Variants in KAZN observed in about 807,000 individuals in gnomAD.
The protein encoded by KAZN is kazrin, periplakin interacting protein.
KAZN carries 40 observed loss-of-function variants against 87.4 expected under a neutral mutation model. The ratio of observed to expected loss-of-function variants is 0.46; its 90% CI spans 0.36 to 0.60. The LOEUF is 0.60. Among genes scored for constraint, KAZN ranks in the 20% least tolerant of loss-of-function variants. The pLI is 0.00. For synonymous variants in KAZN, 466 were observed against 458.3 expected (o/e 1.02, Z -0.22); for missense variants, 898 against 1,073.9 (o/e 0.84, Z 2.29).
intron 2 of KAZN, among the ~76,000 whole-genome samples, chr1:14,477,454 C>G (rs1440528932): frequency 7.2e-6 from 1 of 139,530 alleles, no homozygotes; most frequent in African/African-American, 3.1e-5. Flanking sequence ...CCCCCTCTCT[C>G]TCTCTCTCTT....
chr1:14,002,301 C>G (rs1209573975), intron 1 of KAZN, among the ~76,000 whole-genome samples: 1 of 152,166 alleles, frequency 6.6e-6, no homozygotes, highest in East Asian at 1.9e-4. Context: ...ACACAAATCT[C>G]AACTTGAGTT....
chr1:14,895,090 T>C (rs901502621), intron 1 of KAZN, among the ~76,000 whole-genome samples: 8 of 152,260 alleles, frequency 5.3e-5, no homozygotes, highest in Admixed American at 5.2e-4. Flanking sequence ...GAGTAGGAAG[T>C]GCCTATAACT....
chr1:15,063,494 C>A, intron 6 of KAZN, 78 bp from the exon 7 acceptor site: 1 of 1,269,032 alleles, frequency 7.9e-7, no homozygotes, highest in Non-Finnish European at 1.2e-6. Context: ...CGGAAGGCCC[C>A]ACACCGCACG....
At chr1:15,057,551 G>A (rs866723048) in intron 5 of KAZN, among the ~76,000 whole-genome samples, 3 of 152,234 alleles carry the variant, frequency 2.0e-5, no homozygotes, top group Admixed American at 2.0e-4. Flanking sequence ...TTCCCATTGA[G>A]TGGGATAGCA....
chr1:14,856,011 A>G lies in KAZN; in HGVS notation c.227-104673A>G, dbSNP rs2100998845. Among the ~76,000 whole-genome samples, 2 of 152,328 alleles carry G rather than the reference A, an allele frequency of 1.3e-5. No individual in the cohort carries two copies. The highest frequency in any genetic ancestry group is 3.9e-4 in the East Asian group (2 of 5,186). On this transcript the variant is annotated intron_variant, in intron 1 of 14. Transcript: ENST00000376030. This position sits in a 1 kb window ranked among gnomAD's most constrained non-coding sequence, Gnocchi z 5.2. ...TGATGGTACATTTACTACTTATGTT[A>G]CTGACAAGGAGCACATTAGTAATTG...
intron 2 of KAZN, among the ~76,000 whole-genome samples, chr1:14,584,748 G>A (rs553128967): frequency 1.3e-5 from 2 of 152,078 alleles, no homozygotes; most frequent in South Asian, 2.1e-4. Context: ...GGGTTCAAGC[G>A]ATTCTCCTGC....
Position 14,328,616 on chromosome 1 carries a change from T to C in KAZN, c.249+148024T>C, listed in dbSNP as rs1656610908. On this transcript the variant is annotated intron_variant, in intron 2 of 16. Transcript: ENST00000636203. The stretch of plus-strand genomic sequence containing the variant: ...TACTCGGGAGGCTGAGGCAGGAGAA[T>C]GGTGTGAACCCGAGACGTGGAGCTT... Among the ~76,000 whole-genome samples the C allele has an allele frequency of 1.3e-5, 2 of 151,742 alleles. 1 individual carries two copies. The highest frequency in any genetic ancestry group is 4.2e-4 in the South Asian group (2 of 4,798).
At chr1:14,799,928 T>C (rs1481923586) in intron 1 of KAZN, among the ~76,000 whole-genome samples, 4 of 152,200 alleles carry the variant, frequency 2.6e-5, no homozygotes, top group Admixed American at 2.0e-4. Context: ...TATTAGATAA[T>C]AGATGTCCCC....
intron 2 of KAZN, among the ~76,000 whole-genome samples, chr1:14,535,207 A>G (rs1374959693): frequency 2.6e-5 from 4 of 152,232 alleles, no homozygotes; most frequent in African/African-American, 7.2e-5. Flanking sequence ...TACAGGTTCT[A>G]TTAGCCCTTT....
At chr1:14,239,070 C>T (rs1033316312) in intron 2 of KAZN, among the ~76,000 whole-genome samples, 2 of 152,162 alleles carry the variant, frequency 1.3e-5, no homozygotes, top group African/African-American at 2.4e-5. Flanking sequence ...CTCTCTCTTT[C>T]TTTCTGGCAC....
chr1:14,700,844 C>T (rs1290831551), intron 1 of KAZN, among the ~76,000 whole-genome samples: 1 of 152,148 alleles, frequency 6.6e-6, no homozygotes, highest in Non-Finnish European at 1.5e-5. Flanking sequence ...GCAATAGCCA[C>T]CTCTTAGCAT....
At chr1:14,597,983 T>A (rs1030482017), upstream of KAZN, among the ~76,000 whole-genome samples, 1 of 152,166 alleles carries the variant, frequency 6.6e-6, no homozygotes, top group Non-Finnish European at 1.5e-5. Flanking sequence ...AGAAGCCCCA[T>A]CGACGCCTTC....
chr1:14,272,843 G>A (rs1276893479), intron 2 of KAZN, among the ~76,000 whole-genome samples: 1 of 152,026 alleles, frequency 6.6e-6, no homozygotes, highest in Non-Finnish European at 1.5e-5. Flanking sequence ...GGGTGACAGT[G>A]CAAGACTCAG....
intron 1 of KAZN, among the ~76,000 whole-genome samples, chr1:14,619,230 C>T (rs1242817089): frequency 6.6e-6 from 1 of 151,168 alleles, no homozygotes; most frequent in Non-Finnish European, 1.5e-5. Flanking sequence ...CAAAATTTTA[C>T]TCTCTTGCCT....
intron 1 of KAZN, among the ~76,000 whole-genome samples, chr1:14,727,293 C>T (rs561347691): frequency 1.3e-5 from 2 of 151,932 alleles, no homozygotes; most frequent in Non-Finnish European, 2.9e-5. Flanking sequence ...AGGATGCTTG[C>T]CAGTGTCCCC....
chr1:14,287,343 G>A (rs565456508), intron 2 of KAZN, among the ~76,000 whole-genome samples: 19 of 152,140 alleles, frequency 1.2e-4, no homozygotes, highest in Non-Finnish European at 1.3e-4. Flanking sequence ...ATTCTGACCA[G>A]TGAGGCCACA....
At chr1:14,719,588 G>A (rs1317738557) in intron 1 of KAZN, among the ~76,000 whole-genome samples, 3 of 152,140 alleles carry the variant, frequency 2.0e-5, no homozygotes, top group East Asian at 3.9e-4. Context: ...CTTGTAATCC[G>A]AGCACTTTGG....
chr1:14,630,687 T>C (rs1679498816), intron 1 of KAZN, among the ~76,000 whole-genome samples: 1 of 152,194 alleles, frequency 6.6e-6, no homozygotes, highest in African/African-American at 2.4e-5. Flanking sequence ...TTCTCTCTAA[T>C]GATTCCCCTA....
chr1:14,532,631 C>T (rs1211535876), intron 2 of KAZN, among the ~76,000 whole-genome samples: 2 of 115,450 alleles, frequency 1.7e-5, no homozygotes, highest in Non-Finnish European at 3.4e-5. Flanking sequence ...CCCCCCACCC[C>T]ACAACAGTCC....
Sources: allele counts gnomAD v4.1 joint callset (sites outside exome capture counted in the v4.1 genomes callset), GRCh38; gene constraint gnomAD v4.1.1; non-coding constraint Gnocchi (gnomAD v3.1); transcripts MANE v1.5; gene names NCBI Gene and HGNC (gene_info 2026-07-23, HGNC 2026-07-21).